The following TRIM36 variants were observed in gnomAD, a reference collection of about 807,000 sequenced individuals.
TRIM36 encodes the protein tripartite motif containing 36.
In TRIM36, 42 loss-of-function variants were observed where a neutral mutation model predicts 72.4. That is an observed-to-expected ratio of 0.58 (90% confidence interval 0.45 to 0.75). TRIM36 has a LOEUF of 0.75. Among genes scored for constraint, TRIM36 ranks in the 30% least tolerant of loss-of-function variants. The pLI, the probability that TRIM36 is intolerant of heterozygous loss-of-function variation, is 0.00. For synonymous variants in TRIM36, 315 were observed against 282.8 expected (o/e 1.11, Z -1.14); for missense variants, 913 against 857.1 (o/e 1.07, Z -0.81).
intron 2 of TRIM36, chr5:115,148,409 T>C: frequency 1.2e-6 from 1 of 856,926 alleles, no homozygotes. Flanking sequence ...CATTTGTAAA[T>C]CTGTTCTTTT....
At position 115,126,637 on chromosome 5, in the gene TRIM36, T is replaced by A; in HGVS notation, c.2017A>T (p.Met673Leu). Residue 673 changes from methionine (M) to leucine (L), a missense_variant, in exon 10 of 10, where the codon ATG (methionine) becomes TTG (leucine). Transcript: ENST00000513154. ...ACTTGGCGTTCATAAAGGCATTTCA[T>A]CTGATCCATATCATAGAAATCTACT... ...GKVDFYDMDQ[M>L]KCLYERQVDC... is the part of the protein sequence containing the mutation. The A allele has an allele frequency of 6.2e-7, 1 of 1,614,190 alleles. No individual in the cohort carries two copies. The highest frequency in any genetic ancestry group is 8.5e-7 in the Non-Finnish European group (1 of 1,180,022).
At chr5:115,134,401 A>G (rs897420199) in intron 7 of TRIM36, among the ~76,000 whole-genome samples, 2 of 152,138 alleles carry the variant, frequency 1.3e-5, no homozygotes, top group East Asian at 3.9e-4. Flanking sequence ...CAAAGCCACA[A>G]GTAAATTTTT....
chr5:115,128,115 C>T (rs893065800), intron 9 of TRIM36, among the ~76,000 whole-genome samples: 5 of 150,906 alleles, frequency 3.3e-5, no homozygotes, highest in East Asian at 1.9e-4. Flanking sequence ...TGGTAGCTCA[C>T]GTCTGTAATC....
At chr5:115,131,510 T>C (rs1329880687) in intron 8 of TRIM36, among the ~76,000 whole-genome samples, 2 of 152,182 alleles carry the variant, frequency 1.3e-5, no homozygotes, top group African/African-American at 4.8e-5. Flanking sequence ...CATAAGTCTG[T>C]ATCAACTCAA....
At chr5:115,129,431 G>A (rs1300419943) in intron 9 of TRIM36, among the ~76,000 whole-genome samples, 1 of 152,136 alleles carries the variant, frequency 6.6e-6, no homozygotes, top group Non-Finnish European at 1.5e-5. Flanking sequence ...GGTGGTGCAT[G>A]CCTATAATCC....
At chr5:115,161,118 T>G (rs1381999917) in intron 2 of TRIM36, among the ~76,000 whole-genome samples, 1 of 152,140 alleles carries the variant, frequency 6.6e-6, no homozygotes, top group Non-Finnish European at 1.5e-5. Context: ...GATCTGTGTG[T>G]GTTCGTGATA....
intron 8 of TRIM36, among the ~76,000 whole-genome samples, chr5:115,133,287 G>A (rs1161139971): frequency 1.3e-5 from 2 of 152,128 alleles, no homozygotes; most frequent in Non-Finnish European, 2.9e-5. Context: ...TCTATATGTA[G>A]TATCAGTGGT....
intron 2 of TRIM36, among the ~76,000 whole-genome samples, chr5:115,150,957 T>C (rs2112860523): frequency 6.6e-6 from 1 of 152,342 alleles, no homozygotes. Flanking sequence ...CCAGAGGCTC[T>C]GGGAAAAGGC....
intron 8 of TRIM36, 32 bp from the exon 9 acceptor site, chr5:115,130,921 A>C: frequency 1.3e-6 from 2 of 1,580,108 alleles, no homozygotes; most frequent in South Asian, 1.2e-5. Flanking sequence ...TATCAGGCTA[A>C]AAATTATCAT....
At chr5:115,133,591 C>T (rs1752803456) in intron 8 of TRIM36, among the ~76,000 whole-genome samples, 1 of 152,306 alleles carries the variant, frequency 6.6e-6, no homozygotes, top group South Asian at 2.1e-4. Flanking sequence ...TCCCAACTTA[C>T]TAGCTCTGCT....
At chr5:115,172,492 T>C (rs1004894751), upstream of TRIM36, among the ~76,000 whole-genome samples, 6 of 152,160 alleles carry the variant, frequency 3.9e-5, no homozygotes, top group Non-Finnish European at 5.9e-5. Context: ...TCCCAGCGCT[T>C]TGGGAGGCCG....
intron 9 of TRIM36, among the ~76,000 whole-genome samples, chr5:115,128,434 A>T (rs1367283956): frequency 3.3e-5 from 5 of 151,890 alleles, no homozygotes; most frequent in African/African-American, 9.7e-5. Flanking sequence ...TGTTCCTACA[A>T]GAGAGTTAAA....
intron 2 of TRIM36, among the ~76,000 whole-genome samples, chr5:115,154,723 C>A (rs1329321560): frequency 6.6e-6 from 1 of 152,052 alleles, no homozygotes; most frequent in Admixed American, 6.5e-5. Context: ...AGTCCAGGAC[C>A]AGATGGATTC....
At position 115,125,401 on chromosome 5, in the gene TRIM36, A is replaced by T. The variant is rs1752324267; in HGVS notation, c.*1102T>A. ...ATTGTGATCTTAGTTATCATTTCTA[A>T]GTAATTAAATTTGTATTTTTACTTG... On this transcript the variant is annotated 3_prime_UTR_variant, in exon 10 of 10. Transcript: ENST00000513154. 6.6e-6 allele frequency: 1 copy of T among 152,156 alleles called. No homozygotes were observed. The allele number at this position is 152,156 out of a possible 1,614,324, so 9.4% of individuals were successfully genotyped here. A position where few individuals can be genotyped will look rare whatever the true frequency, so the allele number is the denominator to read the frequency against.
At position 115,147,140 on chromosome 5, in the gene TRIM36, T is replaced by G; in HGVS notation, c.517A>C (p.Ile173Leu). ...SASYCNECFK[I>L]HHPWGTIKAQ... ...TTTATAGTACCCCAAGGGTGATGAA[T>G]TTTGAAGCATTCATTGCAGTAACTT... Residue 173 changes from isoleucine (I) to leucine (L), a missense_variant, in exon 3 of 10, where the codon ATT (isoleucine) becomes CTT (leucine). By Grantham distance (5) the Ile-to-Leu change is conservative. Coordinates refer to ENST00000513154, the MANE Select transcript of TRIM36 (RefSeq NM_001300759.2). The G allele has an allele frequency of 1.2e-6, 2 of 1,614,214 alleles. No homozygotes were observed. The highest frequency in any genetic ancestry group is 1.7e-6 in the Non-Finnish European group (2 of 1,180,036).
At chr5:115,126,920 T>A in intron 9 of TRIM36, 63 bp from the exon 10 acceptor site, 1 of 1,472,148 alleles carries the variant, frequency 6.8e-7, no homozygotes, top group South Asian at 1.3e-5. Context: ...CAAAACATTT[T>A]CACAGGATAA....
chr5:115,139,799 A>G (rs910836247), intron 5 of TRIM36, among the ~76,000 whole-genome samples: 6 of 152,232 alleles, frequency 3.9e-5, no homozygotes, highest in Non-Finnish European at 8.8e-5. Flanking sequence ...AAAACAACTC[A>G]GTAATGTCCC....
At chr5:115,174,606 C>G (rs563034674), upstream of TRIM36, among the ~76,000 whole-genome samples, 19 of 152,186 alleles carry the variant, frequency 1.2e-4, no homozygotes, top group Non-Finnish European at 2.4e-4. Context: ...CCAGCAAGTT[C>G]AGATTTCCAC....
rs530819904 is a variant in TRIM36 at position 115,138,256 on chromosome 5, C to T, written c.832-640G>A. On this transcript the variant is annotated intron_variant, in intron 5 of 9. Transcript: ENST00000513154. The stretch of plus-strand genomic sequence containing the variant: ...CTGGGACTACAGGCACATGCCACCA[C>T]GCCCAGCTTTTTTTCAATATTTTTA... Among the ~76,000 whole-genome samples, 38 of 152,222 alleles carry T rather than the reference C, an allele frequency of 2.5e-4. 1 individual carries two copies. In the East Asian group the frequency reaches 7.0e-3, roughly 28 times the overall value.
Sources: gnomAD v4.1 joint callset for allele counts (sites outside exome capture counted in the v4.1 genomes callset) on GRCh38, gnomAD v4.1.1 for gene constraint, MANE v1.5 for transcripts, NCBI Gene and HGNC (gene_info 2026-07-23, HGNC 2026-07-21) for gene names.